HDX: variants seen among roughly 807,000 people sequenced by gnomAD.
The protein encoded by HDX is highly divergent homeobox.
In HDX, 19 loss-of-function variants were observed where a neutral mutation model predicts 45.2. The observed-to-expected ratio is 0.42, with a 90% confidence interval of 0.29 to 0.62. HDX has a LOEUF of 0.62. Among genes scored for constraint, HDX ranks in the 20% least tolerant of loss-of-function variants. The probability of loss-of-function intolerance (pLI) is 0.20; values close to 1 mark genes in which losing one functional copy is unlikely to be tolerated. For missense variants in HDX, 532 were observed against 493.9 expected (o/e 1.08, Z -0.73); for synonymous variants, 188 against 172.8 (o/e 1.09, Z -0.69).
intron 6 of HDX, among the ~76,000 whole-genome samples, chrX:84,354,795 GTCTAGAATAGGGTGA>G (rs2037435389): frequency 9.4e-6 from 1 of 106,528 alleles, no homozygotes; most frequent in Non-Finnish European, 1.9e-5. Context: ...GTTTCGGTAG[GTCTAGAATAGGGTGA>G]TCTATATTTT....
At chrX:84,491,476 T>A (rs989004397) in intron 1 of HDX, among the ~76,000 whole-genome samples, 4 of 112,198 alleles carry the variant, frequency 3.6e-5, no homozygotes, top group Non-Finnish European at 7.5e-5. Flanking sequence ...AGCTGTTTTT[T>A]AATTCTTCTC....
chrX:84,339,520 G>A (rs1000183713), intron 7 of HDX, among the ~76,000 whole-genome samples: 1 of 111,533 alleles, frequency 9.0e-6, no homozygotes, highest in African/African-American at 3.2e-5. Flanking sequence ...CTATATTGAG[G>A]ATTTCTAAAA....
intron 5 of HDX, among the ~76,000 whole-genome samples, chrX:84,421,278 G>A (rs1017988953): frequency 9.0e-6 from 1 of 111,502 alleles, no homozygotes; most frequent in African/African-American, 3.3e-5. Context: ...AGTAAGTTGG[G>A]GGATGAAGAT....
In HDX at chrX:84,484,349, TGACA is replaced by T. The variant is rs1484578158; in HGVS notation, c.-1+3671_-1+3674del. ...CACATGGCTGGGGAGGCCTCAAAAC[TGACA>T]GTCATGACAGAAGGGGAAGCAAACA... On this transcript the variant is annotated intron_variant, in intron 2 of 10. Coordinates refer to ENST00000373177, the MANE Select transcript of HDX (RefSeq NM_001177479.2). 5.4e-5 allele frequency among the ~76,000 whole-genome samples: 6 copies of T among 111,893 alleles called. No individual in the cohort carries two copies. In the East Asian group the frequency reaches 1.7e-3, roughly 32 times the overall value.
intron 5 of HDX, among the ~76,000 whole-genome samples, chrX:84,433,336 G>A (rs781185021): frequency 4.4e-4 from 49 of 111,550 alleles, no homozygotes; most frequent in African/African-American, 1.5e-3. Context: ...TCTCATTTAG[G>A]TATTTGATCC....
At chrX:84,392,878 C>A (rs1436198965) in intron 5 of HDX, among the ~76,000 whole-genome samples, 1 of 108,073 alleles carries the variant, frequency 9.3e-6, no homozygotes, top group African/African-American at 3.4e-5. Flanking sequence ...TTTTTCAGAT[C>A]AAAGAAGTTT....
intron 4 of HDX, among the ~76,000 whole-genome samples, chrX:84,458,413 G>C (rs990154583): frequency 9.0e-6 from 1 of 111,696 alleles, no homozygotes; most frequent in Non-Finnish European, 1.9e-5. Context: ...CATTAAAACC[G>C]GTTGTTTGAA....
intron 5 of HDX, among the ~76,000 whole-genome samples, chrX:84,395,791 C>T (rs909857147): frequency 9.0e-6 from 1 of 111,653 alleles, no homozygotes; most frequent in African/African-American, 3.3e-5. Flanking sequence ...TTTTGTCTGA[C>T]TGGGTTATTT....
intron 6 of HDX, among the ~76,000 whole-genome samples, chrX:84,353,269 CT>C (rs1363514888): frequency 2.7e-5 from 3 of 111,398 alleles, no homozygotes; most frequent in Middle Eastern, 9.3e-3. Context: ...CTGCTCTGGC[CT>C]GAATATTTGT....
At position 84,344,279 on chromosome X, in the gene HDX, G is replaced by A. The variant is rs1297979932; in HGVS notation, c.1631C>T (p.Ser544Phe). Residue 544 changes from serine to phenylalanine, a missense_variant, in exon 7 of 11, where the codon TCC becomes TTC. Coordinates refer to ENST00000373177, the MANE Select transcript of HDX (RefSeq NM_001177479.2). ...AGAGCTTCCTTCAGACAAACAGATG[G>A]ATACTTCATCATTTCTGTCATTATC... is the stretch of plus-strand genomic sequence containing the variant. ...GEDNDRNDEVSICLSEGSSQE... is the reference protein window; with the variant it reads ...GEDNDRNDEVFICLSEGSSQE... 2.5e-6 allele frequency: 3 copies of A among 1,206,335 alleles called. No individual in the cohort carries two copies. The highest frequency in any genetic ancestry group is 4.4e-5 in the Admixed American group (2 of 45,747).
chrX:84,340,091 A>G (rs2037054532), intron 7 of HDX, among the ~76,000 whole-genome samples: 1 of 109,753 alleles, frequency 9.1e-6, no homozygotes, highest in Non-Finnish European at 1.9e-5. Context: ...AGGGAAAGGG[A>G]AAGGAAATGG....
chrX:84,480,545 C>A (rs772467034), intron 2 of HDX, among the ~76,000 whole-genome samples: 13 of 111,037 alleles, frequency 1.2e-4, no homozygotes, highest in African/African-American at 3.9e-4. Flanking sequence ...CTGAGTTCTT[C>A]TTCTTATTAT....
intron 5 of HDX, among the ~76,000 whole-genome samples, chrX:84,413,693 C>T (rs12689044): frequency 0.26 from 28,765 of 110,874 alleles, 3,130 homozygotes; most frequent in Admixed American, 0.37. Flanking sequence ...CATATGACAT[C>T]GTATTATTCC....
At chrX:84,342,527 G>GTC (rs1232950852) in intron 7 of HDX, among the ~76,000 whole-genome samples, 2 of 108,644 alleles carry the variant, frequency 1.8e-5, no homozygotes, top group Non-Finnish European at 3.8e-5. Context: ...GCATGTGTGT[G>GTC]TGTGTGTGTG....
At chrX:84,373,675 A>G (rs2037959307) in intron 5 of HDX, among the ~76,000 whole-genome samples, 1 of 111,371 alleles carries the variant, frequency 9.0e-6, no homozygotes, top group African/African-American at 3.3e-5. Context: ...TTATCTCAAT[A>G]GATGCAGAAA....
chrX:84,466,620 AT>A (rs1419657163), intron 4 of HDX, among the ~76,000 whole-genome samples: 1 of 112,447 alleles, frequency 8.9e-6, no homozygotes, highest in Non-Finnish European at 1.9e-5. Flanking sequence ...TCAGAAAAAA[AT>A]AGAGACTGTG....
chrX:84,366,252 A>C (rs935485284), intron 5 of HDX, among the ~76,000 whole-genome samples: 4 of 111,506 alleles, frequency 3.6e-5, no homozygotes, highest in Non-Finnish European at 7.5e-5. Flanking sequence ...AAGAGAATAA[A>C]ATACATAGGA....
rs184463979 is a variant in HDX at position 84,428,491 on chromosome X, C to T, written c.1305+12041G>A. Reference sequence around the variant, plus strand: ...TCTCTATGAATTTGTATTTGTCTTTCGCGGACATTTTACATAAATAGAATC... The same window carrying T: ...TCTCTATGAATTTGTATTTGTCTTTTGCGGACATTTTACATAAATAGAATC... On this transcript the variant is annotated intron_variant, in intron 5 of 10. Transcript: ENST00000373177. 3.6e-3 allele frequency among the ~76,000 whole-genome samples: 399 copies of T among 110,768 alleles called. 3 individuals are homozygous for T. The highest frequency in any genetic ancestry group is 0.012 in the African/African-American group (382 of 30,687).
Position 84,361,453 on chromosome X carries a change from G to GA in HDX, c.1452+12dup. On this transcript the variant is annotated intron_variant, in intron 6 of 10. Transcript: ENST00000373177. ...CAGCAACTATAGCATGAAAATTATAGAAAATGTCTTACCCGAACTATTTCA... is the reference window on the plus strand; with the variant it reads ...CAGCAACTATAGCATGAAAATTATAGAAAAATGTCTTACCCGAACTATTTCA... The GA allele has an allele frequency of 8.3e-7, 1 of 1,197,889 alleles. No individual in the cohort carries two copies.
Sources: allele counts gnomAD v4.1 joint callset (sites outside exome capture counted in the v4.1 genomes callset), GRCh38; gene constraint gnomAD v4.1.1; transcripts MANE v1.5; gene names NCBI Gene and HGNC (gene_info 2026-07-23, HGNC 2026-07-21).